The following TXNDC9 variants were observed in gnomAD, a reference collection of about 807,000 sequenced individuals.
TXNDC9 encodes thioredoxin domain-containing protein 9.
In TXNDC9, 7 loss-of-function variants were observed where a neutral mutation model predicts 23.0. That is an observed-to-expected ratio of 0.30 (90% CI 0.17 to 0.57). The LOEUF (loss-of-function observed/expected upper bound fraction) is 0.57. Among genes scored for constraint, TXNDC9 ranks in the 20% least tolerant of loss-of-function variants. The pLI is 0.90. For missense variants in TXNDC9, 198 were observed against 252.6 expected (o/e 0.78, Z 1.47); for synonymous variants, 72 against 90.6 (o/e 0.79, Z 1.17).
At chr2:99,328,228 T>G (rs1338892629) in intron 2 of TXNDC9, among the ~76,000 whole-genome samples, 1 of 151,254 alleles carries the variant, frequency 6.6e-6, no homozygotes, top group Non-Finnish European at 1.5e-5. Context: ...CCCAAGGAAT[T>G]GGGACCACTG....
intron 3 of TXNDC9, chr2:99,322,446 C>T (rs1011621293): frequency 7.8e-7 from 1 of 1,285,106 alleles, no homozygotes; most frequent in Non-Finnish European, 1.0e-6. Context: ...TAATGATATT[C>T]TCTTTTAAAA....
At chr2:99,326,116 G>A (rs2094212298) in intron 3 of TXNDC9, among the ~76,000 whole-genome samples, 1 of 152,128 alleles carries the variant, frequency 6.6e-6, no homozygotes, top group Non-Finnish European at 1.5e-5. Flanking sequence ...TTGGCAACTT[G>A]AGGAATGTGT....
intron 2 of TXNDC9, among the ~76,000 whole-genome samples, chr2:99,330,447 C>T (rs1298443503): frequency 1.3e-5 from 2 of 151,992 alleles, no homozygotes; most frequent in African/African-American, 4.8e-5. Flanking sequence ...AGGGCCTCTC[C>T]TGACACATTC....
At chr2:99,321,472 A>C (rs1167693530) in intron 4 of TXNDC9, 1 of 152,454 alleles carries the variant, frequency 6.6e-6, no homozygotes, top group Non-Finnish European at 1.5e-5. Flanking sequence ...TTTTCTATTC[A>C]TCAGCCTCTA....
chr2:99,320,111 G>A (rs562910822), intron 4 of TXNDC9, among the ~76,000 whole-genome samples: 224 of 152,226 alleles, frequency 1.5e-3, no homozygotes, highest in African/African-American at 5.2e-3. Flanking sequence ...GGGCTCAAGC[G>A]ATCCTCCCAC....
At chr2:99,329,038 G>A (rs754737834) in intron 2 of TXNDC9, among the ~76,000 whole-genome samples, 2 of 152,110 alleles carry the variant, frequency 1.3e-5, no homozygotes, top group Non-Finnish European at 2.9e-5. Flanking sequence ...GTCTTGGGGA[G>A]AAAAGGAGGA....
chr2:99,335,343 G>C (rs1457809569), intron 1 of TXNDC9, among the ~76,000 whole-genome samples: 1 of 152,142 alleles, frequency 6.6e-6, no homozygotes, highest in East Asian at 1.9e-4. Flanking sequence ...TACAGGAAAA[G>C]GATTTGAAAA....
chr2:99,334,875 C>G (rs2094234977), intron 1 of TXNDC9, among the ~76,000 whole-genome samples: 1 of 152,204 alleles, frequency 6.6e-6, no homozygotes, highest in Non-Finnish European at 1.5e-5. Flanking sequence ...CCACGCCCGG[C>G]TAATTTCTTT....
chr2:99,324,444 T>A (rs2094209100), intron 3 of TXNDC9, among the ~76,000 whole-genome samples: 2 of 152,094 alleles, frequency 1.3e-5, no homozygotes, highest in African/African-American at 4.8e-5. Context: ...CAGTGAAAAA[T>A]GGTAAGAGAG....
chr2:99,320,093 C>T (rs960258720), intron 4 of TXNDC9, among the ~76,000 whole-genome samples: 4 of 152,138 alleles, frequency 2.6e-5, no homozygotes, highest in Non-Finnish European at 5.9e-5. Context: ...CTGCAACCTC[C>T]AGTTCCTGGG....
Position 99,319,900 on chromosome 2 carries a change from A to C in TXNDC9, c.564-101T>G, listed in dbSNP as rs1160126753. 8.2e-6 allele frequency: 6 copies of C among 734,970 alleles called. No homozygotes were observed. In the East Asian group the frequency reaches 1.1e-4, roughly 14 times the overall value. The allele number at this position is 734,970 out of a possible 1,614,324, so 45.5% of individuals were successfully genotyped here. A position where few individuals can be genotyped will look rare whatever the true frequency, so the allele number is the denominator to read the frequency against. Reference sequence around the variant, plus strand: ...GTTTTCTTCCTGTAACATAGAATAAAATTTCTTTAAAATGCTGGTGTCAGG... The same window carrying C: ...GTTTTCTTCCTGTAACATAGAATAACATTTCTTTAAAATGCTGGTGTCAGG... On this transcript the variant is annotated intron_variant, in intron 4 of 4. Transcript: ENST00000264255.
rs1174503859 is a variant in TXNDC9, at chr2:99,333,041, T to C, written c.170A>G (p.Lys57Arg). 3 of 1,614,068 alleles carry C rather than the reference T, an allele frequency of 1.9e-6. No homozygotes were observed. In the South Asian group the frequency reaches 3.3e-5, roughly 18 times the overall value. ...GGTTACTTGTTTCTGCTGTTGAGCT[T>C]TCCTTAGTGCCTGGAGTCTCTTTTC... The part of the protein sequence containing the change: ...LKEKRLQALR[K>R]AQQQKQEWLS... Residue 57 changes from lysine (K) to arginine (R), a missense_variant, in exon 2 of 5, where the codon AAA (lysine) becomes AGA (arginine). Coordinates refer to ENST00000264255, the MANE Select transcript of TXNDC9 (RefSeq NM_005783.4).
chr2:99,331,269 A>C (rs1183981649), intron 2 of TXNDC9, among the ~76,000 whole-genome samples: 1 of 152,138 alleles, frequency 6.6e-6, no homozygotes, highest in African/African-American at 2.4e-5. Context: ...TATCAGCCCT[A>C]TACTATGAAA....
At chr2:99,323,271 G>C (rs1406365983) in intron 3 of TXNDC9, among the ~76,000 whole-genome samples, 1 of 151,918 alleles carries the variant, frequency 6.6e-6, no homozygotes, top group Non-Finnish European at 1.5e-5. Flanking sequence ...GCTGGGTGTG[G>C]TGGTGCATGC....
intron 3 of TXNDC9, among the ~76,000 whole-genome samples, chr2:99,327,222 G>T (rs1379407147): frequency 6.6e-6 from 1 of 151,904 alleles, no homozygotes; most frequent in Non-Finnish European, 1.5e-5. Context: ...ACAGGTACCT[G>T]CCACCACACC....
At chr2:99,312,565 A>T in the TXNDC9 span, among the ~76,000 whole-genome samples, 61,121 of 151,856 alleles carry the variant, frequency 0.4, 13,082 homozygotes, top group East Asian at 0.64. Context: ...ACTTTGCATT[A>T]ATTAGAGAGG....
At chr2:99,322,408 A>T (rs1463994643) in intron 3 of TXNDC9, 199 bp from the exon 4 acceptor site, 3 of 1,220,166 alleles carry the variant, frequency 2.5e-6, no homozygotes, top group Admixed American at 3.1e-5. Context: ...AAAACAGCCT[A>T]TAAGATTCTA....
At position 99,333,226 on chromosome 2, in the gene TXNDC9, A is replaced by G. The variant is rs1456442857; in HGVS notation, c.-16T>C. ...CAGCTTCCATTCTTCCAAATGGTAC[A>G]GAGTTCAGCCTGGGTGCTGGGGAGA... is the stretch of plus-strand genomic sequence containing the variant. On this transcript the variant is annotated 5_prime_UTR_variant, in exon 2 of 5. Transcript: ENST00000264255. 3 of 1,610,644 alleles carry G rather than the reference A, an allele frequency of 1.9e-6. No homozygotes were observed. The South Asian group carries it at 3.3e-5, about 18-fold the overall frequency.
chr2:99,325,621 T>C (rs921795636), intron 3 of TXNDC9, among the ~76,000 whole-genome samples: 3 of 152,218 alleles, frequency 2.0e-5, no homozygotes, highest in Non-Finnish European at 4.4e-5. Context: ...CGTCAGGCAG[T>C]TGCTTTAGGG....
Sources: allele counts gnomAD v4.1 joint callset (sites outside exome capture counted in the v4.1 genomes callset), GRCh38; gene constraint gnomAD v4.1.1; transcripts MANE v1.5; gene names NCBI Gene and HGNC (gene_info 2026-07-23, HGNC 2026-07-21).